The following GABRA6 variants were observed in gnomAD, a reference collection of about 807,000 sequenced individuals.
GABRA6 encodes the protein gamma-aminobutyric acid receptor subunit alpha-6.
GABRA6 carries 45 observed loss-of-function variants against 47.3 expected under a neutral mutation model. That is an observed-to-expected ratio of 0.95 (90% confidence interval 0.75 to 1.22). The LOEUF (loss-of-function observed/expected upper bound fraction) is 1.22. Among genes scored for constraint, GABRA6 ranks in the 50% most tolerant of loss-of-function variants. The pLI, the probability that GABRA6 is intolerant of heterozygous loss-of-function variation, is 0.00. For missense variants in GABRA6, 583 were observed against 549.3 expected, an observed-to-expected ratio of 1.06 and a Z score of -0.61; for synonymous variants, 219 against 194.7, an observed-to-expected ratio of 1.12 and a Z score of -1.04.
At position 161,702,141 on chromosome 5, in the gene GABRA6, G is replaced by T; in HGVS notation, c.*368G>T. 1 of 238,636 alleles carries T rather than the reference G, an allele frequency of 4.2e-6. No homozygotes were observed. The allele number at this position is 238,636 out of a possible 1,614,324, so 14.8% of individuals were successfully genotyped here. A position where few individuals can be genotyped will look rare whatever the true frequency, so the allele number is the denominator to read the frequency against. ...AGAAATGCTGACACTTCCAAAGGTT[G>T]CCTTAAAATATGTTTATTTTGGCTT... is the stretch of plus-strand genomic sequence containing the variant. On this transcript the variant is annotated 3_prime_UTR_variant, in exon 9 of 9. Coordinates refer to ENST00000274545, the MANE Select transcript of GABRA6 (RefSeq NM_000811.3).
chr5:161,694,119 A>G (rs532826407), intron 8 of GABRA6, among the ~76,000 whole-genome samples: 2 of 152,250 alleles, frequency 1.3e-5, no homozygotes, highest in East Asian at 3.9e-4. Flanking sequence ...GATAAATTCC[A>G]AATGTTTCTG....
intron 8 of GABRA6, among the ~76,000 whole-genome samples, chr5:161,697,714 A>T (rs1039868376): frequency 3.9e-5 from 6 of 152,172 alleles, no homozygotes; most frequent in Admixed American, 1.3e-4. Flanking sequence ...TTGGCCCCAA[A>T]AGATCAGTAG....
rs551057382 is a variant in GABRA6 at position 161,701,224 on chromosome 5, G to A, written c.1087-274G>A. On this transcript the variant is annotated intron_variant, in intron 8 of 8. Transcript: ENST00000274545. The stretch of plus-strand genomic sequence containing the variant: ...TTTCCCTAAGGATACAATGCTTACC[G>A]TAGTTCTATGACATGAAACATGCTT... Among the ~76,000 whole-genome samples the A allele has an allele frequency of 5.3e-5, 8 of 152,220 alleles. No individual in the cohort carries two copies. The East Asian group carries it at 7.7e-4, about 15-fold the overall frequency.
chr5:161,686,985 C>G lies in GABRA6; in HGVS notation c.207C>G (p.Pro69=), dbSNP rs778661667. Residue 69 remains proline, a synonymous_variant, in exon 3 of 9, where the codon CCC becomes CCG. Transcript: ENST00000274545. ...ACATTTATGTGACCAGTTTTGGGCC[C>G]GTGTCAGATGTGGAGATGGTGAGTA... ...KTDIYVTSFG[P]VSDVEMEYTM... 5.0e-6 allele frequency: 8 copies of G among 1,613,690 alleles called. No individual in the cohort carries two copies.
intron 2 of GABRA6, among the ~76,000 whole-genome samples, chr5:161,686,725 T>C (rs1208053706): frequency 6.6e-6 from 1 of 152,224 alleles, no homozygotes; most frequent in Non-Finnish European, 1.5e-5. Flanking sequence ...CATTCTTTAA[T>C]GTTCTCCCAA....
Position 161,701,671 on chromosome 5 carries a change from T to A in GABRA6, c.1260T>A (p.Tyr420Ter). ...GAGGCACCAGTAAAATAGACCAGTA[T>A]TCTCGAATTCTCTTCCCAGTTGCAT... ...AFGGTSKIDQYSRILFPVAFA... is the reference protein window; with the variant it reads ...AFGGTSKIDQ Residue 420 changes from tyrosine (Y) to a stop codon, truncating the protein, a stop_gained, in exon 9 of 9, where the codon TAT becomes TAA. Transcript: ENST00000274545. LOFTEE classifies it high-confidence loss of function. 6.2e-7 allele frequency: 1 copy of A among 1,614,224 alleles called. No homozygotes were observed. Among genetic ancestry groups the A allele is most frequent in the Non-Finnish European group, 8.5e-7 (1 of 1,180,032 alleles).
rs189665770 is a variant in GABRA6, at chr5:161,702,311, C to T, written c.*538C>T. 1.9e-4 allele frequency: 31 copies of T among 159,902 alleles called. No individual in the cohort carries two copies. The highest frequency in any genetic ancestry group is 7.0e-4 in the South Asian group (4 of 5,724). The allele number at this position is 159,902 out of a possible 1,614,324, so 9.9% of individuals were successfully genotyped here. On this transcript the variant is annotated 3_prime_UTR_variant, in exon 9 of 9. Coordinates refer to ENST00000274545, the MANE Select transcript of GABRA6 (RefSeq NM_000811.3). ...GAGCTTAGCCATTTGTTTTTAACCT[C>T]GCTGTGCTCTTTTACCTCAATAAAA... is the stretch of plus-strand genomic sequence containing the variant.
At chr5:161,694,047 T>A (rs1754847338) in intron 8 of GABRA6, among the ~76,000 whole-genome samples, 1 of 152,132 alleles carries the variant, frequency 6.6e-6, no homozygotes, top group East Asian at 1.9e-4. Context: ...AAATATAAAT[T>A]TTGTAACAAA....
At chr5:161,699,913 G>T (rs968199385) in intron 8 of GABRA6, among the ~76,000 whole-genome samples, 1 of 152,184 alleles carries the variant, frequency 6.6e-6, no homozygotes. Flanking sequence ...TAATAAGAAA[G>T]ATAGCCCTTG....
intron 8 of GABRA6, among the ~76,000 whole-genome samples, chr5:161,693,482 T>C (rs930860893): frequency 2.0e-5 from 3 of 152,226 alleles, no homozygotes; most frequent in Admixed American, 1.3e-4. Context: ...AAAATATTAG[T>C]TTCTAGTTGG....
Position 161,689,143 on chromosome 5 carries a change from G to T in GABRA6, c.420G>T (p.Gln140His). Residue 140 changes from glutamine (Q) to histidine (H), a missense_variant, in exon 4 of 9, where the codon CAG (glutamine) becomes CAT (histidine). Coordinates refer to ENST00000274545, the MANE Select transcript of GABRA6 (RefSeq NM_000811.3). ...TTPNKLFRIM[Q>H]NGTILYTMRL... ...CTAATAAACTCTTCAGAATAATGCA[G>T]AATGGAACCATTTTATACACCATGA... 6.2e-7 allele frequency: 1 copy of T among 1,613,940 alleles called. No individual in the cohort carries two copies. Among genetic ancestry groups the T allele is most frequent in the Non-Finnish European group, 8.5e-7 (1 of 1,179,906 alleles).
chr5:161,698,495 A>T (rs1395986892), intron 8 of GABRA6, among the ~76,000 whole-genome samples: 3 of 152,140 alleles, frequency 2.0e-5, no homozygotes, highest in Non-Finnish European at 4.4e-5. Context: ...TAAAAAATAG[A>T]TATAGCTAAG....
chr5:161,690,812 A>T (rs1183785821), intron 7 of GABRA6, among the ~76,000 whole-genome samples: 1 of 152,294 alleles, frequency 6.6e-6, no homozygotes, highest in East Asian at 1.9e-4. Context: ...AGATAGAATC[A>T]CTACTAATTT....
intron 8 of GABRA6, among the ~76,000 whole-genome samples, chr5:161,692,618 C>G (rs567847413): frequency 1.3e-5 from 2 of 152,144 alleles, no homozygotes; most frequent in Non-Finnish European, 2.9e-5. Context: ...TGTTATAAAT[C>G]TGCTTGCTGC....
intron 8 of GABRA6, among the ~76,000 whole-genome samples, chr5:161,696,351 ATTT>A (rs5872722): frequency 5.0e-5 from 7 of 140,336 alleles, no homozygotes; most frequent in Non-Finnish European, 3.1e-5. Context: ...TATTGCACAG[ATTT>A]TTTTTTTTTT....
At chr5:161,689,517 G>A (rs1191687426) in intron 5 of GABRA6, 119 bp from the exon 6 acceptor site, 1 of 1,128,660 alleles carries the variant, frequency 8.9e-7, no homozygotes, top group Non-Finnish European at 1.3e-6. Flanking sequence ...CAAGATTAAA[G>A]AAAACATTAA....
intron 8 of GABRA6, 55 bp downstream of exon 8, chr5:161,692,255 G>C (rs1165928743): frequency 6.2e-7 from 1 of 1,608,828 alleles, no homozygotes; most frequent in African/African-American, 1.3e-5. Context: ...AGCCTAAATA[G>C]TGATCAGAAA....
At chr5:161,688,755 A>G (rs12518088) in intron 3 of GABRA6, among the ~76,000 whole-genome samples, 194 bp from the exon 4 acceptor site, 26,309 of 152,170 alleles carry the variant, frequency 0.17, 2,707 homozygotes, top group East Asian at 0.38. Flanking sequence ...TCACAGCACT[A>G]TCTTTTATAA....
At chr5:161,689,416 C>T in intron 5 of GABRA6, 80 bp downstream of exon 5, 2 of 1,258,850 alleles carry the variant, frequency 1.6e-6, no homozygotes, top group African/African-American at 1.5e-5. Flanking sequence ...TACTGGAAAT[C>T]AAGGAAGAAA....
Sources: gnomAD v4.1 joint callset for allele counts (sites outside exome capture counted in the v4.1 genomes callset) on GRCh38, gnomAD v4.1.1 for gene constraint, MANE v1.5 for transcripts, NCBI Gene and HGNC (gene_info 2026-07-23, HGNC 2026-07-21) for gene names.